Variants in HPS4 observed in about 807,000 individuals in gnomAD.
HPS4 encodes the protein HPS4 biogenesis of lysosomal organelles complex 3 subunit 2, also known as BLOC-3 complex member HPS4.
HPS4 carries 44 observed loss-of-function variants against 70.3 expected under a neutral mutation model. The observed-to-expected ratio is 0.63, with a 90% CI of 0.49 to 0.80. The LOEUF is 0.80. Ranked by LOEUF, HPS4 falls within the 30% of genes least tolerant of loss-of-function variation. The probability of loss-of-function intolerance (pLI) is 0.00; values close to 1 mark genes in which losing one functional copy is unlikely to be tolerated. For synonymous variants in HPS4, 377 were observed against 355.9 expected (o/e 1.06, Z -0.67); for missense variants, 873 against 884.4 (o/e 0.99, Z 0.16).
At chr22:26,483,579 T>C (rs560591764) in intron 1 of HPS4, 95 bp downstream of exon 1, 14 of 213,330 alleles carry the variant, frequency 6.6e-5, no homozygotes, top group Non-Finnish European at 9.2e-5. Context: ...TGGGAAATGG[T>C]GGGCGAACGC....
At position 26,470,733 on chromosome 22, in the gene HPS4, G is replaced by A. The variant is rs773284328; in HGVS notation, c.582C>T (p.Ile194=). 6 of 1,613,918 alleles carry A rather than the reference G, an allele frequency of 3.7e-6. No individual in the cohort carries two copies. In the African/African-American group the frequency reaches 6.7e-5, roughly 18 times the overall value. ...GAGTTACTCACAGTCCTTTATAGAG[G>A]ATGCAGCCAGCGAGAATGTGAGGCG... The part of the protein sequence containing the change: ...QRSPHILAGC[I]LYKGLIVSTQ... Residue 194 remains isoleucine (I), a synonymous_variant, in exon 7 of 14, where the codon ATC becomes ATT. Transcript: ENST00000398145.
Position 26,462,795 on chromosome 22 carries a change from T to G in HPS4, c.1713+1122A>C, listed in dbSNP as rs933139704. Among the ~76,000 whole-genome samples the G allele has an allele frequency of 2.6e-5, 4 of 152,210 alleles. No individual in the cohort carries two copies. In the South Asian group the frequency reaches 8.3e-4, roughly 32 times the overall value. ...CGCACTGCTATAAGAAGGAGATGGA[T>G]AGTCACTCCTAGCTATGGTGAATGG... On this transcript the variant is annotated intron_variant, in intron 11 of 13. Transcript: ENST00000398145.
At chr22:26,460,761 C>T (rs1413047775) in intron 11 of HPS4, among the ~76,000 whole-genome samples, 2 of 152,206 alleles carry the variant, frequency 1.3e-5, no homozygotes, top group Non-Finnish European at 2.9e-5. Context: ...AGCCTGTTGC[C>T]TATCTTTGTA....
Position 26,463,918 on chromosome 22 carries a change from A to G in HPS4, c.1712T>C (p.Val571Ala). The change falls in exon 11 of 14, where the codon GTG (valine) becomes GCG (alanine). Residue 571 changes from valine (V) to alanine (A), a missense_variant and splice_region_variant. Val to Ala is a moderately conservative substitution (Grantham distance 64, BLOSUM62 0). Coordinates refer to ENST00000398145, the MANE Select transcript of HPS4 (RefSeq NM_022081.6). The part of the protein sequence containing the change: ...LLGDSAAIEE[V>A]YHSSLASLNG... ...AGGAGAAGGTCTGAGGACACTCACCACTTCCTCTATGGCTGCGCTGTCTCC... is the reference window on the plus strand; with the variant it reads ...AGGAGAAGGTCTGAGGACACTCACCGCTTCCTCTATGGCTGCGCTGTCTCC... 6.2e-7 allele frequency: 1 copy of G among 1,612,968 alleles called. No individual in the cohort carries two copies. The highest frequency in any genetic ancestry group is 8.5e-7 in the Non-Finnish European group (1 of 1,179,920).
intron 1 of HPS4, chr22:26,482,779 G>A (rs921966343): frequency 6.6e-6 from 1 of 152,164 alleles, no homozygotes; most frequent in African/African-American, 2.4e-5. Context: ...CTCCAGAGAT[G>A]CGTGGTTCAC....
chr22:26,463,781 G>T, intron 11 of HPS4, 136 bp downstream of exon 11: 1 of 923,412 alleles, frequency 1.1e-6, no homozygotes, highest in Non-Finnish European at 1.7e-6. Flanking sequence ...GTCTAAACAA[G>T]AACGTCTTGC....
At chr22:26,469,283 CAA>C (rs5844704) in intron 7 of HPS4, among the ~76,000 whole-genome samples, 2 of 105,446 alleles carry the variant, frequency 1.9e-5, no homozygotes. Flanking sequence ...CCCATCTCTA[CAA>C]AAAAAAAAAA....
At chr22:26,465,770 G>C (rs1444920292) in intron 9 of HPS4, 1 of 593,846 alleles carries the variant, frequency 1.7e-6, no homozygotes, top group Non-Finnish European at 3.0e-6. Flanking sequence ...CCCAGCTTTG[G>C]AGAAGGAAGA....
At chr22:26,455,538 T>C (rs1451396079) in intron 13 of HPS4, among the ~76,000 whole-genome samples, 8 of 130,188 alleles carry the variant, frequency 6.1e-5, no homozygotes, top group African/African-American at 2.4e-4. Flanking sequence ...ACAATGAGAA[T>C]ACATGGACAC....
At chr22:26,446,540 G>T (rs1010404585), downstream of HPS4, among the ~76,000 whole-genome samples, 1 of 152,108 alleles carries the variant, frequency 6.6e-6, no homozygotes, top group African/African-American at 2.4e-5. Context: ...CCAGGCACGG[G>T]TCTTTGTTTT....
At chr22:26,457,764 T>C in intron 13 of HPS4, 95 bp downstream of exon 13, 2 of 871,664 alleles carry the variant, frequency 2.3e-6, no homozygotes, top group Non-Finnish European at 1.9e-6. Flanking sequence ...ATGTTTTTCA[T>C]CTACTTAGGA....
chr22:26,483,566 G>T (rs1353860703), intron 1 of HPS4, 108 bp downstream of exon 1: 2 of 196,764 alleles, frequency 1.0e-5, no homozygotes, highest in Non-Finnish European at 2.0e-5. Flanking sequence ...AGCTCTACGG[G>T]ACTGGGAAAT....
chr22:26,468,509 C>T, intron 8 of HPS4, 42 bp downstream of exon 8: 2 of 1,555,620 alleles, frequency 1.3e-6, no homozygotes, highest in Non-Finnish European at 1.8e-6. Flanking sequence ...GACCAGTGCT[C>T]TGGGGGATGC....
chr22:26,449,146 A>G (rs1263057999), downstream of HPS4, among the ~76,000 whole-genome samples: 1 of 151,874 alleles, frequency 6.6e-6, no homozygotes, highest in African/African-American at 2.4e-5. Flanking sequence ...CCCCGCCCCA[A>G]ACCTCATCAG....
chr22:26,456,389 G>A (rs1569020300), intron 13 of HPS4, among the ~76,000 whole-genome samples: 1 of 152,202 alleles, frequency 6.6e-6, no homozygotes, highest in Non-Finnish European at 1.5e-5. Flanking sequence ...AGCCGGGCGT[G>A]GTGGCTCACG....
Position 26,452,000 on chromosome 22 carries a change from GCGCGCACACACACACA to G in HPS4, c.*1217_*1232del, listed in dbSNP as rs1386490474. 694 of 72,548 alleles carry G rather than the reference GCGCGCACACACACACA, an allele frequency of 9.6e-3. 17 individuals are homozygous for G. The highest frequency in any genetic ancestry group is 0.086 in the East Asian group (363 of 4,236). The allele number at this position is 72,548 out of a possible 1,614,324, so 4.5% of individuals were successfully genotyped here. A position where few individuals can be genotyped will look rare whatever the true frequency, so the allele number is the denominator to read the frequency against. ...GCGCCCACGTTACGCGCGCGCGCGCGCGCGCACACACACACACACACACACACACACACACACACAC... is the reference window on the plus strand; with the variant it reads ...GCGCCCACGTTACGCGCGCGCGCGCGCACACACACACACACACACACACAC... On this transcript the variant is annotated 3_prime_UTR_variant, in exon 14 of 14. Coordinates refer to ENST00000398145, the MANE Select transcript of HPS4 (RefSeq NM_022081.6).
Position 26,464,423 on chromosome 22 carries a change from T to A in HPS4, c.1207A>T (p.Lys403Ter). Residue 403 changes from lysine (K) to a stop codon, truncating the protein, a stop_gained, in exon 11 of 14, where the codon AAG becomes TAG. Coordinates refer to ENST00000398145, the MANE Select transcript of HPS4 (RefSeq NM_022081.6). LOFTEE classifies it high-confidence loss of function. ...CTGCTGGAGGCGCTGAGAGATGCCT[T>A]GCAGTAAGGAGCCCTGCCATCTGGA... ...PVPDGRAPYC[K>*]ASLSASSSLE... is the part of the protein sequence containing the mutation. 6.2e-7 allele frequency: 1 copy of A among 1,614,192 alleles called. No homozygotes were observed. The highest frequency in any genetic ancestry group is 8.5e-7 in the Non-Finnish European group (1 of 1,180,028).
At position 26,453,219 on chromosome 22, in the gene HPS4, C is replaced by A; in HGVS notation, c.*14G>T. ...TGCTGGTTTTCTCCTTCCCAGTCAC[C>A]TCCTGGGTGCAGTTCAGAGCAAGTT... On this transcript the variant is annotated 3_prime_UTR_variant, in exon 14 of 14. Coordinates refer to ENST00000398145, the MANE Select transcript of HPS4 (RefSeq NM_022081.6). The A allele has an allele frequency of 6.2e-7, 1 of 1,613,838 alleles. No individual in the cohort carries two copies. Among genetic ancestry groups the A allele is most frequent in the Non-Finnish European group, 8.5e-7 (1 of 1,179,764 alleles).
In HPS4 at chr22:26,458,430, T is replaced by G. The variant is rs1427802233; in HGVS notation, c.1846+15A>C. The G allele has an allele frequency of 1.2e-6, 2 of 1,613,954 alleles. No individual in the cohort carries two copies. Among genetic ancestry groups the G allele is most frequent in the Admixed American group, 1.7e-5 (1 of 59,990 alleles). The stretch of plus-strand genomic sequence containing the variant: ...TGGCATCCCCGTCGCCCCAGGCCCC[T>G]TGGCTGGTTCTTACCCATCAGCAAG... On this transcript the variant is annotated intron_variant, in intron 12 of 13. Coordinates refer to ENST00000398145, the MANE Select transcript of HPS4 (RefSeq NM_022081.6).
Sources: gnomAD v4.1 joint callset for allele counts (sites outside exome capture counted in the v4.1 genomes callset) on GRCh38, gnomAD v4.1.1 for gene constraint, MANE v1.5 for transcripts, NCBI Gene and HGNC (gene_info 2026-07-23, HGNC 2026-07-21) for gene names.